GPC6: variants seen among roughly 807,000 people sequenced by gnomAD.
GPC6 encodes the protein glypican 6.
Under a neutral mutation model 55.2 loss-of-function variants are expected in GPC6, and 14 were observed. The observed-to-expected ratio is 0.25, with a 90% confidence interval of 0.17 to 0.40. GPC6 has a LOEUF of 0.40. Ranked by LOEUF, GPC6 falls within the 10% of genes least tolerant of loss-of-function variation. The probability of loss-of-function intolerance (pLI) is 1.00; values close to 1 mark genes in which losing one functional copy is unlikely to be tolerated. For synonymous variants in GPC6, 278 were observed against 259.6 expected (o/e 1.07, Z -0.68); for missense variants, 641 against 708.5 (o/e 0.90, Z 1.08).
intron 1 of GPC6, among the ~76,000 whole-genome samples, chr13:93,303,486 A>G (rs1878750126): frequency 6.6e-6 from 1 of 152,156 alleles, no homozygotes; most frequent in South Asian, 2.1e-4. Flanking sequence ...CAGGTTTTTG[A>G]GATTATCAAA....
intron 4 of GPC6, among the ~76,000 whole-genome samples, chr13:94,040,543 G>C (rs1883495012): frequency 6.6e-6 from 1 of 151,804 alleles, no homozygotes; most frequent in Admixed American, 6.6e-5. Context: ...CCCATTAAAG[G>C]TGAAAGCCAT....
intron 6 of GPC6, among the ~76,000 whole-genome samples, chr13:94,349,057 C>T (rs1257061427): frequency 1.3e-5 from 2 of 152,146 alleles, no homozygotes; most frequent in East Asian, 1.9e-4. Flanking sequence ...ATGGAGCAGA[C>T]GTGTTTTCAT....
At chr13:93,731,340 G>A (rs4572255) in intron 2 of GPC6, among the ~76,000 whole-genome samples, 139,707 of 152,132 alleles carry the variant, frequency 0.92, 64,284 homozygotes, top group Admixed American at 0.96. Context: ...GCTCCTCACC[G>A]TGGCAATGAT....
At chr13:94,282,329 CG>C (rs1892407512) in intron 4 of GPC6, among the ~76,000 whole-genome samples, 1 of 152,060 alleles carries the variant, frequency 6.6e-6, no homozygotes, top group Non-Finnish European at 1.5e-5. Flanking sequence ...CACATGGCAA[CG>C]TAAGGAGAAG....
chr13:94,131,291 G>A (rs993646355), intron 4 of GPC6, among the ~76,000 whole-genome samples: 14 of 151,732 alleles, frequency 9.2e-5, no homozygotes, highest in East Asian at 1.9e-4. Context: ...TGTGCATTTC[G>A]CCTCTAGCAA....
intron 3 of GPC6, among the ~76,000 whole-genome samples, chr13:93,938,839 C>T (rs997208592): frequency 6.6e-6 from 1 of 152,158 alleles, no homozygotes; most frequent in Non-Finnish European, 1.5e-5. Flanking sequence ...CACGGTGGCT[C>T]ACGCCTGTAA....
chr13:93,816,866 ATCTT>A, intron 2 of GPC6, among the ~76,000 whole-genome samples: 1 of 152,260 alleles, frequency 6.6e-6, no homozygotes, highest in South Asian at 2.1e-4. Flanking sequence ...TTTTGTTTCT[ATCTT>A]AGCATACTAT....
intron 2 of GPC6, among the ~76,000 whole-genome samples, chr13:93,650,614 A>G (rs1251351225): frequency 3.3e-5 from 5 of 152,220 alleles, no homozygotes; most frequent in African/African-American, 9.6e-5. Context: ...AATCCTGACC[A>G]TAATAGGTAG....
intron 1 of GPC6, among the ~76,000 whole-genome samples, chr13:93,530,678 A>T (rs1161259723): frequency 1.3e-5 from 2 of 152,172 alleles, no homozygotes; most frequent in African/African-American, 4.8e-5. Flanking sequence ...TAAAAATAAA[A>T]TGCATAAATT....
chr13:94,291,003 C>T (rs551209553), intron 5 of GPC6, among the ~76,000 whole-genome samples: 5 of 152,230 alleles, frequency 3.3e-5, no homozygotes, highest in African/African-American at 1.2e-4. Context: ...ACCAGCCTAG[C>T]CAATATGGCG....
chr13:93,243,235 G>T (rs1157908674), intron 1 of GPC6, among the ~76,000 whole-genome samples: 2 of 152,192 alleles, frequency 1.3e-5, no homozygotes, highest in Non-Finnish European at 2.9e-5. Context: ...ATCTCTGCAA[G>T]CTTCTTGATT....
intron 2 of GPC6, among the ~76,000 whole-genome samples, chr13:93,650,274 A>G (rs904473726): frequency 6.6e-6 from 1 of 152,156 alleles, no homozygotes. Context: ...TTATAGATGG[A>G]TCTAAATAAT....
chr13:94,135,452 T>C (rs1887152930), intron 4 of GPC6, among the ~76,000 whole-genome samples: 1 of 152,242 alleles, frequency 6.6e-6, no homozygotes, highest in Non-Finnish European at 1.5e-5. Flanking sequence ...TTTCAGTGTC[T>C]TAATTTTGCA....
chr13:94,258,096 A>G (rs2139046166), intron 4 of GPC6, among the ~76,000 whole-genome samples: 1 of 152,334 alleles, frequency 6.6e-6, no homozygotes, highest in South Asian at 2.1e-4. Context: ...ACCAAGATTA[A>G]CATAGGCAAT....
rs1875918244 is a variant in GPC6, at chr13:93,229,007, C to A, written c.160+1391C>A. ...TACCACGCTCATTATATAGAAGGAG[C>A]TTTTTCAGTTCAGAGCCAGACATTC... is the stretch of plus-strand genomic sequence containing the variant. On this transcript the variant is annotated intron_variant, in intron 1 of 8. Coordinates refer to ENST00000377047, the MANE Select transcript of GPC6 (RefSeq NM_005708.5). Among the ~76,000 whole-genome samples, 2 of 152,132 alleles carry A rather than the reference C, an allele frequency of 1.3e-5. 1 individual carries two copies. Among genetic ancestry groups the A allele is most frequent in the South Asian group, 4.1e-4 (2 of 4,832 alleles).
intron 1 of GPC6, among the ~76,000 whole-genome samples, chr13:93,350,427 C>T (rs7987449): frequency 0.13 from 19,090 of 152,018 alleles, 1,531 homozygotes; most frequent in East Asian, 0.37. Flanking sequence ...GAGCGAGACT[C>T]CATCTCAAAT....
chr13:94,282,220 T>C (rs148024930), intron 4 of GPC6, among the ~76,000 whole-genome samples: 2,832 of 152,206 alleles, frequency 0.019, 91 homozygotes, highest in African/African-American at 0.064. Context: ...AGGAAAGAGG[T>C]TTAATTGACT....
intron 3 of GPC6, among the ~76,000 whole-genome samples, chr13:94,022,795 A>G (rs544197879): frequency 2.0e-5 from 3 of 152,186 alleles, no homozygotes; most frequent in South Asian, 4.1e-4. Flanking sequence ...ATGGCATCTC[A>G]TAGTGCATTC....
At chr13:93,440,820 A>G (rs1480017453) in intron 1 of GPC6, among the ~76,000 whole-genome samples, 1 of 152,034 alleles carries the variant, frequency 6.6e-6, no homozygotes, top group Non-Finnish European at 1.5e-5. Flanking sequence ...CATCAGGTAT[A>G]TCTCCTAATG....
Sources: allele counts gnomAD v4.1 joint callset (sites outside exome capture counted in the v4.1 genomes callset), GRCh38; gene constraint gnomAD v4.1.1; transcripts MANE v1.5; gene names NCBI Gene and HGNC (gene_info 2026-07-23, HGNC 2026-07-21).